ENAH: variants seen among roughly 807,000 people sequenced by gnomAD.
ENAH encodes ENAH actin regulator.
Under a neutral mutation model 78.7 loss-of-function variants are expected in ENAH, and 23 were observed. The ratio of observed to expected loss-of-function variants is 0.29; its 90% CI spans 0.21 to 0.41. The LOEUF (loss-of-function observed/expected upper bound fraction) is 0.41. ENAH is among the 10% of genes least tolerant of loss of function. The pLI is 1.00. For synonymous variants in ENAH, 226 were observed against 241.0 expected (o/e 0.94, Z 0.58); for missense variants, 544 against 691.0 (o/e 0.79, Z 2.39).
chr1:225,532,108 T>C (rs983452504), intron 3 of ENAH, among the ~76,000 whole-genome samples: 1 of 152,086 alleles, frequency 6.6e-6, no homozygotes, highest in Non-Finnish European at 1.5e-5. Flanking sequence ...GATTGCTGTC[T>C]AGTAAACAGA....
intron 1 of ENAH, among the ~76,000 whole-genome samples, chr1:225,591,625 C>T (rs2096876645): frequency 3.4e-5 from 5 of 149,142 alleles, no homozygotes; most frequent in Admixed American, 3.3e-4. Flanking sequence ...ATTAGCCAGG[C>T]ATGATGGCAG....
chr1:225,530,760 A>G, intron 3 of ENAH, 122 bp from the exon 4 acceptor site: 1 of 739,706 alleles, frequency 1.4e-6, no homozygotes, highest in Middle Eastern at 3.3e-4. Flanking sequence ...CTTTTTGTCT[A>G]GCAAAATAAA....
intron 1 of ENAH, among the ~76,000 whole-genome samples, chr1:225,618,187 T>C (rs7531033): frequency 0.077 from 11,774 of 152,190 alleles, 1,525 homozygotes; most frequent in African/African-American, 0.27. Flanking sequence ...CAAACTGGTC[T>C]CCATTCTCAT....
intron 1 of ENAH, among the ~76,000 whole-genome samples, chr1:225,598,083 C>A (rs1320067667): frequency 6.6e-6 from 1 of 152,138 alleles, no homozygotes; most frequent in Non-Finnish European, 1.5e-5. Context: ...AAGAAACCTA[C>A]CTTCTTCAGA....
At chr1:225,499,895 T>G (rs927799560) in intron 12 of ENAH, among the ~76,000 whole-genome samples, 3 of 152,182 alleles carry the variant, frequency 2.0e-5, no homozygotes, top group African/African-American at 7.2e-5. Flanking sequence ...AACTATCAAT[T>G]AGTTTGTCTT....
intron 2 of ENAH, among the ~76,000 whole-genome samples, chr1:225,562,340 A>T (rs1221372312): frequency 6.6e-6 from 1 of 151,900 alleles, no homozygotes; most frequent in Non-Finnish European, 1.5e-5. Flanking sequence ...TGGGAGGCTG[A>T]GGCGGGCAGA....
intron 3 of ENAH, among the ~76,000 whole-genome samples, chr1:225,551,226 A>C (rs2096639190): frequency 6.6e-6 from 1 of 152,208 alleles, no homozygotes; most frequent in South Asian, 2.1e-4. Flanking sequence ...TTCCAAATAT[A>C]ACTCACTGTA....
chr1:225,599,122 T>A (rs2096917485), intron 1 of ENAH, among the ~76,000 whole-genome samples: 1 of 152,130 alleles, frequency 6.6e-6, no homozygotes, highest in Non-Finnish European at 1.5e-5. Flanking sequence ...TTAGCCTGAA[T>A]CCATTCATGC....
intron 3 of ENAH, among the ~76,000 whole-genome samples, chr1:225,536,542 G>A (rs1194972181): frequency 6.6e-6 from 1 of 152,002 alleles, no homozygotes; most frequent in African/African-American, 2.4e-5. Context: ...ATGCACTGGG[G>A]CTTAGGAAAG....
chr1:225,636,118 G>T (rs116624184), intron 1 of ENAH, among the ~76,000 whole-genome samples: 1 of 152,288 alleles, frequency 6.6e-6, no homozygotes, highest in African/African-American at 2.4e-5. Flanking sequence ...GGCTAATAAT[G>T]ATAGGAGCAT....
At chr1:225,568,591 G>T (rs712062) in intron 1 of ENAH, among the ~76,000 whole-genome samples, 100,047 of 152,030 alleles carry the variant, frequency 0.66, 33,265 homozygotes, top group Middle Eastern at 0.74. Context: ...CAAAAGCACT[G>T]CTTATTCTAT....
chr1:225,561,619 T>TAAAATAAAATAAAA (rs1553439595), intron 2 of ENAH, among the ~76,000 whole-genome samples: 1 of 125,810 alleles, frequency 7.9e-6, no homozygotes, highest in Non-Finnish European at 1.7e-5. Flanking sequence ...AGATTCCGTC[T>TAAAATAAAATAAAA]TAAAATAAAA....
At chr1:225,560,171 C>CTTT (rs559062710) in intron 2 of ENAH, among the ~76,000 whole-genome samples, 1 of 145,694 alleles carries the variant, frequency 6.9e-6, no homozygotes, top group Non-Finnish European at 1.5e-5. Context: ...CAAATCTGAA[C>CTTT]TTTTTTTTTT....
chr1:225,566,786 C>G (rs1279099219), intron 2 of ENAH, among the ~76,000 whole-genome samples: 1 of 152,168 alleles, frequency 6.6e-6, no homozygotes, highest in Non-Finnish European at 1.5e-5. Flanking sequence ...CTGCAAAAGC[C>G]AAACTATTCC....
chr1:225,537,162 C>G (rs1266544073), intron 3 of ENAH, among the ~76,000 whole-genome samples: 2 of 151,948 alleles, frequency 1.3e-5, no homozygotes, highest in Non-Finnish European at 2.9e-5. Flanking sequence ...ATTTTTAAAA[C>G]TTACAAGAAA....
At position 225,651,663 on chromosome 1, in the gene ENAH, G is replaced by A. The variant is rs550586997; in HGVS notation, c.5+1023C>T. 9.2e-5 allele frequency among the ~76,000 whole-genome samples: 14 copies of A among 152,208 alleles called. No homozygotes were observed. The East Asian group carries it at 2.5e-3, about 27-fold the overall frequency. On this transcript the variant is annotated intron_variant, in intron 1 of 13. Transcript: ENST00000366843. Reference sequence around the variant, plus strand: ...TATCCACAATTGTTTAACCCAAAAGGAAGGCCTTTAAGGATGATAACGCAG... The same window carrying A: ...TATCCACAATTGTTTAACCCAAAAGAAAGGCCTTTAAGGATGATAACGCAG...
In ENAH at chr1:225,570,778, G is replaced by A. The variant is rs139022273; in HGVS notation, c.6-3364C>T. 4.0e-5 allele frequency among the ~76,000 whole-genome samples: 6 copies of A among 150,504 alleles called. No individual in the cohort carries two copies. In the East Asian group the frequency reaches 1.2e-3, roughly 30 times the overall value. On this transcript the variant is annotated intron_variant, in intron 1 of 13. Coordinates refer to ENST00000366843, the MANE Select transcript of ENAH (RefSeq NM_018212.6). The stretch of plus-strand genomic sequence containing the variant: ...TTGGGAGACCAGCCTGACCAACATG[G>A]AGAAACCCTGTCTCTACTAAAAATG...
intron 1 of ENAH, among the ~76,000 whole-genome samples, chr1:225,592,539 C>A (rs1452270618): frequency 6.6e-6 from 1 of 152,168 alleles, no homozygotes; most frequent in African/African-American, 2.4e-5. Flanking sequence ...ATTCTAACTT[C>A]TTGTTTCAAT....
intron 1 of ENAH, among the ~76,000 whole-genome samples, chr1:225,628,523 C>A (rs1658358744): frequency 6.6e-6 from 1 of 152,070 alleles, no homozygotes; most frequent in South Asian, 2.1e-4. Flanking sequence ...ATAGAAAATG[C>A]AAAACATATC....
Sources: allele counts gnomAD v4.1 joint callset (sites outside exome capture counted in the v4.1 genomes callset), GRCh38; gene constraint gnomAD v4.1.1; transcripts MANE v1.5; gene names NCBI Gene and HGNC (gene_info 2026-07-23, HGNC 2026-07-21).